Variants in NUBPL observed in about 807,000 individuals in gnomAD.
NUBPL encodes NUBP iron-sulfur cluster assembly factor, mitochondrial, also known as iron-sulfur cluster transfer protein NUBPL.
NUBPL carries 31 observed loss-of-function variants against 45.7 expected under a neutral mutation model. That is an observed-to-expected ratio of 0.68 (90% confidence interval 0.51 to 0.92). The LOEUF (loss-of-function observed/expected upper bound fraction) is 0.92, where lower values mean the gene tolerates loss of function less well. Ranked by LOEUF, NUBPL falls within the 40% of genes least tolerant of loss-of-function variation. The probability of loss-of-function intolerance (pLI) is 0.00; values close to 1 mark genes in which losing one functional copy is unlikely to be tolerated. For missense variants in NUBPL, 401 were observed against 398.7 expected (o/e 1.01, Z -0.05); for synonymous variants, 144 against 140.9 (o/e 1.02, Z -0.15).
At chr14:31,841,917 CTTTTTTTTT>C (rs547795007) in intron 8 of NUBPL, among the ~76,000 whole-genome samples, 42 of 43,046 alleles carry the variant, frequency 9.8e-4, no homozygotes, top group African/African-American at 3.3e-3. Flanking sequence ...CGATTCTGGG[CTTTTTTTTT>C]TTTTTTTTTT....
At chr14:31,787,703 T>G (rs1315058614) in intron 6 of NUBPL, 77 bp from the exon 7 acceptor site, 1 of 942,590 alleles carries the variant, frequency 1.1e-6, no homozygotes, top group Non-Finnish European at 1.7e-6. Context: ...TATTTGTTAT[T>G]AACACATTAA....
chr14:31,655,875 C>G (rs1484834571), intron 4 of NUBPL, among the ~76,000 whole-genome samples: 1 of 152,130 alleles, frequency 6.6e-6, no homozygotes. Context: ...CTGCATTAGC[C>G]CCTATTAAGA....
At chr14:31,610,289 C>T (rs116815638) in intron 4 of NUBPL, among the ~76,000 whole-genome samples, 221 of 152,052 alleles carry the variant, frequency 1.5e-3, no homozygotes, top group Middle Eastern at 0.014. Flanking sequence ...TAAGTACATG[C>T]CAATAAATTG....
chr14:31,662,903 G>T (rs1169548753), intron 4 of NUBPL, among the ~76,000 whole-genome samples: 1 of 152,210 alleles, frequency 6.6e-6, no homozygotes, highest in African/African-American at 2.4e-5. Context: ...TTCAGCATCT[G>T]CTGTTTCCTG....
At chr14:31,611,784 C>G (rs1289579112) in intron 4 of NUBPL, among the ~76,000 whole-genome samples, 1 of 152,158 alleles carries the variant, frequency 6.6e-6, no homozygotes, top group Non-Finnish European at 1.5e-5. Context: ...GCAGTGAATT[C>G]ATTTTCGACA....
chr14:31,831,018 G>A (rs1267514186), intron 8 of NUBPL, among the ~76,000 whole-genome samples: 1 of 151,642 alleles, frequency 6.6e-6, no homozygotes, highest in Admixed American at 6.6e-5. Context: ...TTTTCTCAGG[G>A]AGAGGTGCCC....
Position 31,657,853 on chromosome 14 carries a change from A to G in NUBPL, c.383-15502A>G, listed in dbSNP as rs149752976. 2.7e-3 allele frequency among the ~76,000 whole-genome samples: 406 copies of G among 152,298 alleles called. 1 individual carries two copies. Among genetic ancestry groups the G allele is most frequent in the Non-Finnish European group, 4.4e-3 (299 of 68,002 alleles). On this transcript the variant is annotated intron_variant, in intron 4 of 10. Transcript: ENST00000281081. ...CTTACTATTGCTACTTAAAAATGCT[A>G]CTTCAAAAACTTGAGAATTTGCTAC...
intron 6 of NUBPL, among the ~76,000 whole-genome samples, chr14:31,755,314 A>G (rs1321643683): frequency 3.9e-5 from 6 of 152,158 alleles, no homozygotes; most frequent in African/African-American, 1.4e-4. Flanking sequence ...CAGTCCCACC[A>G]ACAGTGTAAA....
intron 7 of NUBPL, among the ~76,000 whole-genome samples, chr14:31,791,580 A>G (rs1289527820): frequency 6.6e-6 from 1 of 152,176 alleles, no homozygotes; most frequent in Admixed American, 6.5e-5. Context: ...CTCAGGTTAA[A>G]AGCCCCAGCT....
chr14:31,823,929 G>A lies in NUBPL; in HGVS notation c.608-2700G>A, dbSNP rs1011212130. Among the ~76,000 whole-genome samples the A allele has an allele frequency of 0.012, 10 of 852 alleles. 1 individual carries two copies. In the South Asian group the frequency reaches 0.5, roughly 43 times the overall value. 0.6% of individuals were successfully genotyped at this position (852 alleles called of 152,430 possible). On this transcript the variant is annotated intron_variant, in intron 7 of 10. Coordinates refer to ENST00000281081, the MANE Select transcript of NUBPL (RefSeq NM_025152.3). Reference sequence around the variant, plus strand: ...TCCATCAGTCTTTGCAAGAGGGGAAGAGAGTGTTAATTTTTGGTTTCTTGG... The same window carrying A: ...TCCATCAGTCTTTGCAAGAGGGGAAAAGAGTGTTAATTTTTGGTTTCTTGG...
chr14:31,798,189 A>C (rs887876220), intron 7 of NUBPL, among the ~76,000 whole-genome samples: 4 of 151,680 alleles, frequency 2.6e-5, no homozygotes, highest in African/African-American at 9.7e-5. Context: ...ACTGCTTCTC[A>C]CCCAAGTGTT....
chr14:31,573,369 C>T (rs186084972), intron 3 of NUBPL, among the ~76,000 whole-genome samples: 24 of 152,270 alleles, frequency 1.6e-4, no homozygotes, highest in Admixed American at 7.8e-4. Flanking sequence ...TTACTAGTCA[C>T]GTGCCTTTAC....
chr14:31,635,461 G>A (rs1423671942), intron 4 of NUBPL, among the ~76,000 whole-genome samples: 2 of 151,834 alleles, frequency 1.3e-5, no homozygotes, highest in African/African-American at 4.8e-5. Flanking sequence ...CTCTGTTTTG[G>A]TACCAGTACC....
intron 4 of NUBPL, among the ~76,000 whole-genome samples, chr14:31,667,212 A>C (rs896163834): frequency 6.6e-6 from 1 of 152,042 alleles, no homozygotes; most frequent in Non-Finnish European, 1.5e-5. Context: ...TGGTCTTTTC[A>C]CATAGTCCCA....
chr14:31,838,116 A>G (rs565959566), intron 8 of NUBPL, among the ~76,000 whole-genome samples: 9 of 152,252 alleles, frequency 5.9e-5, no homozygotes, highest in South Asian at 2.1e-4. Flanking sequence ...CACATTCATC[A>G]TATTTGCTAA....
intron 4 of NUBPL, chr14:31,653,996 T>C: frequency 2.4e-6 from 1 of 415,774 alleles, no homozygotes; most frequent in Non-Finnish European, 5.0e-6. Context: ...TTGTATTTCA[T>C]GGGGGAAGAT....
At chr14:31,601,905 C>T (rs944721484) in intron 4 of NUBPL, among the ~76,000 whole-genome samples, 2 of 152,134 alleles carry the variant, frequency 1.3e-5, no homozygotes, top group African/African-American at 2.4e-5. Context: ...ACCCAAAGGA[C>T]TATAAATCAT....
At chr14:31,680,705 C>T (rs1482296119) in intron 6 of NUBPL, among the ~76,000 whole-genome samples, 1 of 151,102 alleles carries the variant, frequency 6.6e-6, no homozygotes, top group Non-Finnish European at 1.5e-5. Flanking sequence ...TATTCGCATA[C>T]AATCTACACT....
At chr14:31,584,276 C>T (rs1193677302) in intron 3 of NUBPL, among the ~76,000 whole-genome samples, 3 of 152,140 alleles carry the variant, frequency 2.0e-5, no homozygotes, top group African/African-American at 7.2e-5. Flanking sequence ...AGGCATGTGC[C>T]ACCACTCCCG....
Sources: allele counts gnomAD v4.1 joint callset (sites outside exome capture counted in the v4.1 genomes callset), GRCh38; gene constraint gnomAD v4.1.1; transcripts MANE v1.5; gene names NCBI Gene and HGNC (gene_info 2026-07-23, HGNC 2026-07-21).